The following DEPDC5 variants were observed in gnomAD, a reference collection of about 807,000 sequenced individuals.
DEPDC5 encodes DEP domain containing 5, GATOR1 subcomplex subunit.
A neutral mutation model predicts 217.3 loss-of-function variants in DEPDC5; 73 were observed. That is an observed-to-expected ratio of 0.34 (90% confidence interval 0.28 to 0.41). The LOEUF (loss-of-function observed/expected upper bound fraction) is 0.41. Among genes scored for constraint, DEPDC5 ranks in the 10% least tolerant of loss-of-function variants. The probability of loss-of-function intolerance (pLI) is 1.00; values close to 1 mark genes in which losing one functional copy is unlikely to be tolerated. For missense variants in DEPDC5, 1,675 were observed against 2,070.1 expected, an observed-to-expected ratio of 0.81 and a Z score of 3.70; for synonymous variants, 733 against 756.7, an observed-to-expected ratio of 0.97 and a Z score of 0.51.
chr22:31,856,840 G>C (rs1447831428), intron 31 of DEPDC5, among the ~76,000 whole-genome samples: 1 of 152,154 alleles, frequency 6.6e-6, no homozygotes, highest in Non-Finnish European at 1.5e-5. Flanking sequence ...CACCATCTCA[G>C]CTCACTGCGA....
At chr22:31,826,598 C>A in intron 24 of DEPDC5, 1 of 340,076 alleles carries the variant, frequency 2.9e-6, no homozygotes, top group Non-Finnish European at 5.8e-6. Flanking sequence ...AAGCCTGCCC[C>A]GGTGGTTCCC....
At chr22:31,793,000 G>A (rs947723683) in intron 12 of DEPDC5, among the ~76,000 whole-genome samples, 183 bp downstream of exon 12, 1 of 151,954 alleles carries the variant, frequency 6.6e-6, no homozygotes, top group African/African-American at 2.4e-5. Context: ...AGCCTGGGAG[G>A]TGGAGGTTGC....
rs577894193 is a variant in DEPDC5 at position 31,806,054 on chromosome 22, T to G, written c.1218-68T>G. 619 of 1,440,510 alleles carry G rather than the reference T, an allele frequency of 4.3e-4. 1 individual carries two copies. The highest frequency in any genetic ancestry group is 5.5e-4 in the Non-Finnish European group (564 of 1,029,716). The allele number at this position is 1,440,510 out of a possible 1,614,324, so 89.2% of individuals were successfully genotyped here. A position where few individuals can be genotyped will look rare whatever the true frequency, so the allele number is the denominator to read the frequency against. ...AGGAGGGCTGATCCATGCCTAGTAT[T>G]TTAACTGTGTTTTGAGTTTTAAAAT... On this transcript the variant is annotated intron_variant, in intron 17 of 42. Transcript: ENST00000651528.
intron 8 of DEPDC5, among the ~76,000 whole-genome samples, chr22:31,778,691 C>T (rs2084128335): frequency 6.6e-6 from 1 of 152,108 alleles, no homozygotes; most frequent in African/African-American, 2.4e-5. Context: ...ATGCCATGCC[C>T]ACTCATACAT....
intron 1 of DEPDC5, among the ~76,000 whole-genome samples, chr22:31,754,575 A>C (rs1163100195): frequency 6.6e-6 from 1 of 150,926 alleles, no homozygotes; most frequent in Non-Finnish European, 1.5e-5. Flanking sequence ...AGATGGAGAC[A>C]AGGTGATGAG....
At chr22:31,877,327 C>T (rs569488093) in intron 37 of DEPDC5, among the ~76,000 whole-genome samples, 1 of 148,870 alleles carries the variant, frequency 6.7e-6, no homozygotes, top group Non-Finnish European at 1.5e-5. Flanking sequence ...ATCCCAGCTA[C>T]TCGGGAGGCT....
rs370185374 is a variant in DEPDC5, at chr22:31,900,204, G to A, written c.4376-1538G>A. Among the ~76,000 whole-genome samples, 19 of 151,868 alleles carry A rather than the reference G, an allele frequency of 1.3e-4. No individual in the cohort carries two copies. In the South Asian group the frequency reaches 3.3e-3, roughly 27 times the overall value. On this transcript the variant is annotated intron_variant, in intron 40 of 42. Transcript: ENST00000651528. Reference sequence around the variant, plus strand: ...TGGGATTACAGGCATGTGGAACCACGCCCAGCTAATTTTTGTACTTTTAGT... The same window carrying A: ...TGGGATTACAGGCATGTGGAACCACACCCAGCTAATTTTTGTACTTTTAGT...
chr22:31,906,151 G>A lies in DEPDC5; in HGVS notation c.4520-54G>A. On this transcript the variant is annotated intron_variant, in intron 42 of 42. Transcript: ENST00000651528. This position sits in a 1 kb window ranked among gnomAD's most constrained non-coding sequence, Gnocchi z 5.1. ...CTATGGCTGCAGAACCACCTCAGCAGGCTCCAGGAGCCCTCCTGGTGGCTG... is the reference window on the plus strand; with the variant it reads ...CTATGGCTGCAGAACCACCTCAGCAAGCTCCAGGAGCCCTCCTGGTGGCTG... 1 of 1,613,008 alleles carries A rather than the reference G, an allele frequency of 6.2e-7. No homozygotes were observed. Among genetic ancestry groups the A allele is most frequent in the Non-Finnish European group, 8.5e-7 (1 of 1,179,388 alleles).
At chr22:31,821,413 C>A (rs979942131) in intron 22 of DEPDC5, 89 bp from the exon 23 acceptor site, 3 of 1,543,670 alleles carry the variant, frequency 1.9e-6, no homozygotes, top group Admixed American at 1.7e-5. Flanking sequence ...ATCTGTATCC[C>A]AGTAGCTGGA....
chr22:31,802,294 A>G (rs1045375460), intron 14 of DEPDC5, among the ~76,000 whole-genome samples: 1 of 151,706 alleles, frequency 6.6e-6, no homozygotes, highest in East Asian at 1.9e-4. Flanking sequence ...ATGCCTGGCT[A>G]ATTTTTGTAT....
Position 31,844,969 on chromosome 22 carries a change from A to G in DEPDC5, c.2802-49A>G, listed in dbSNP as rs144459747. 2.4e-4 allele frequency: 386 copies of G among 1,598,590 alleles called. 2 individuals carry two copies. The East Asian group carries it at 7.7e-3, about 32-fold the overall frequency. On this transcript the variant is annotated intron_variant, in intron 29 of 42. Coordinates refer to ENST00000651528, the MANE Select transcript of DEPDC5 (RefSeq NM_001242896.3). ...CAGAGAGTTTACTGAGAGTGCTTTC[A>G]TTATCTCCTTTCTCTCACCACCACC... is the stretch of plus-strand genomic sequence containing the variant.
intron 25 of DEPDC5, among the ~76,000 whole-genome samples, chr22:31,835,503 CTTG>C (rs1249954976): frequency 6.6e-6 from 1 of 152,178 alleles, no homozygotes; most frequent in Non-Finnish European, 1.5e-5. Flanking sequence ...CAGTCTGTGT[CTTG>C]TTGTGTGCCC....
chr22:31,782,514 A>G (rs913370501), intron 8 of DEPDC5, among the ~76,000 whole-genome samples: 2 of 152,210 alleles, frequency 1.3e-5, no homozygotes, highest in African/African-American at 2.4e-5. Flanking sequence ...CGTTCCCTCT[A>G]AACTTCTTTA....
intron 2 of DEPDC5, among the ~76,000 whole-genome samples, chr22:31,756,579 A>G (rs1443036056): frequency 2.6e-5 from 4 of 152,232 alleles, no homozygotes; most frequent in Non-Finnish European, 5.9e-5. Flanking sequence ...TATAAAATAC[A>G]AAGGTAGTTA....
At position 31,797,870 on chromosome 22, in the gene DEPDC5, G is replaced by A. The variant is rs574053151; in HGVS notation, c.871+167G>A. 4.6e-5 allele frequency among the ~76,000 whole-genome samples: 7 copies of A among 151,768 alleles called. 1 individual carries two copies. In the South Asian group the frequency reaches 1.3e-3, roughly 27 times the overall value. On this transcript the variant is annotated intron_variant, in intron 13 of 42. Transcript: ENST00000651528. ...GATCCAATTGTACATTTCGTATGCC[G>A]TAAGTTCAACAGTGTCCCTAATACA...
rs201347461 is a variant in DEPDC5 at position 31,906,418 on chromosome 22, A to G, written c.4733A>G (p.Asp1578Gly). ...FADRLLKDFT[D>G]FCINRDNRLV... is the part of the protein sequence containing the mutation. Reference sequence around the variant, plus strand: ...GATCGGCTGCTGAAGGACTTCACGGACTTCTGCATCAACCGTGACAACCGG... The same window carrying G: ...GATCGGCTGCTGAAGGACTTCACGGGCTTCTGCATCAACCGTGACAACCGG... The change falls in exon 43 of 43, where the codon GAC becomes GGC. Residue 1578 changes from aspartate to glycine, a missense_variant. Around this residue, in one of 11 missense-constraint regions of DEPDC5, gnomAD observed 49 missense variants for 74.7 expected, o/e 0.66. Coordinates refer to ENST00000651528, the MANE Select transcript of DEPDC5 (RefSeq NM_001242896.3). The surrounding 1 kb of genome is among the most constrained non-coding windows in gnomAD (Gnocchi z 5.1). 1.6e-4 allele frequency: 257 copies of G among 1,613,910 alleles called. No homozygotes were observed. Among genetic ancestry groups the G allele is most frequent in the Non-Finnish European group, 2.1e-4 (242 of 1,180,054 alleles).
chr22:31,864,207 C>A (rs980934247), intron 33 of DEPDC5, among the ~76,000 whole-genome samples: 2 of 151,010 alleles, frequency 1.3e-5, no homozygotes, highest in Non-Finnish European at 2.9e-5. Flanking sequence ...CTCCCGGGTT[C>A]AAGTGATTGT....
rs905747584 is a variant in DEPDC5 at position 31,838,598 on chromosome 22, A to G, written c.2355-87A>G. 1.3e-5 allele frequency: 20 copies of G among 1,535,440 alleles called. 1 individual carries two copies. In the Admixed American group the frequency reaches 2.9e-4, roughly 22 times the overall value. On this transcript the variant is annotated intron_variant, in intron 26 of 42. Coordinates refer to ENST00000651528, the MANE Select transcript of DEPDC5 (RefSeq NM_001242896.3). ...ACCATAGAATGGTTATAAGGGGATG[A>G]AGCAAAGGAGATGATGAGACTGTGC...
At chr22:31,838,170 T>A (rs762568893) in intron 26 of DEPDC5, among the ~76,000 whole-genome samples, 6 of 152,238 alleles carry the variant, frequency 3.9e-5, no homozygotes, top group Admixed American at 1.3e-4. Flanking sequence ...CTGATCTTCT[T>A]TTCTAAAATT....
Sources: gnomAD v4.1 joint callset for allele counts (sites outside exome capture counted in the v4.1 genomes callset) on GRCh38, gnomAD v4.1.1 for gene constraint, gnomAD v4.1.1 regional missense constraint, Gnocchi (gnomAD v3.1) non-coding constraint, MANE v1.5 for transcripts, NCBI Gene and HGNC (gene_info 2026-07-23, HGNC 2026-07-21) for gene names.